Variants in PARD3 observed in about 807,000 individuals in gnomAD.
The protein encoded by PARD3 is par-3 family cell polarity regulator, also known as partitioning defective 3 homolog.
Under a neutral mutation model 155.4 loss-of-function variants are expected in PARD3, and 75 were observed. That is an observed-to-expected ratio of 0.48 (90% CI 0.40 to 0.58). The LOEUF (loss-of-function observed/expected upper bound fraction) is 0.58, where lower values mean the gene tolerates loss of function less well. PARD3 is among the 20% of genes least tolerant of loss of function. PARD3 has a pLI of 0.00. For synonymous variants in PARD3, 576 were observed against 610.5 expected (o/e 0.94, Z 0.83); for missense variants, 1,642 against 1,721.7 (o/e 0.95, Z 0.82).
intron 22 of PARD3, among the ~76,000 whole-genome samples, chr10:34,192,986 C>G (rs1200469087): frequency 6.6e-6 from 1 of 152,162 alleles, no homozygotes; most frequent in Non-Finnish European, 1.5e-5. Context: ...TAAAGTTTAA[C>G]TGAACCAGGG....
intron 2 of PARD3, among the ~76,000 whole-genome samples, chr10:34,613,609 G>A (rs544467981): frequency 3.3e-5 from 5 of 152,250 alleles, no homozygotes; most frequent in Admixed American, 1.3e-4. Flanking sequence ...CAGAGGATTC[G>A]CAAATGTGTG....
intron 2 of PARD3, among the ~76,000 whole-genome samples, chr10:34,592,698 C>T (rs1341333064): frequency 1.3e-5 from 2 of 152,336 alleles, no homozygotes; most frequent in East Asian, 1.9e-4. Flanking sequence ...ATTGCTTGAA[C>T]CCGGAGTTGG....
At chr10:34,178,815 T>C (rs1016431283) in intron 22 of PARD3, among the ~76,000 whole-genome samples, 1 of 152,246 alleles carries the variant, frequency 6.6e-6, no homozygotes, top group Non-Finnish European at 1.5e-5. Flanking sequence ...CCTAATAGAA[T>C]GCTTTCATAA....
intron 2 of PARD3, among the ~76,000 whole-genome samples, chr10:34,522,439 T>C (rs2082205246): frequency 1.3e-5 from 2 of 152,224 alleles, no homozygotes. Context: ...CAGCCACTTA[T>C]GCCTGCTCTG....
chr10:34,505,644 A>G (rs965973472), intron 3 of PARD3, among the ~76,000 whole-genome samples: 1 of 152,190 alleles, frequency 6.6e-6, no homozygotes, highest in Admixed American at 6.5e-5. Context: ...TGCCAGGCCA[A>G]TGTCTACATC....
At chr10:34,249,303 T>C (rs1340763457) in intron 22 of PARD3, among the ~76,000 whole-genome samples, 1 of 152,168 alleles carries the variant, frequency 6.6e-6, no homozygotes, top group African/African-American at 2.4e-5. Flanking sequence ...TGAGCCAGCA[T>C]GCTCAGCCTG....
chr10:34,620,024 A>ACAC (rs1158220043), intron 2 of PARD3, among the ~76,000 whole-genome samples: 1 of 151,916 alleles, frequency 6.6e-6, no homozygotes, highest in African/African-American at 2.4e-5. Flanking sequence ...AAGAACACAC[A>ACAC]CACCACCACC....
At chr10:34,376,659 G>A (rs1362160583) in intron 10 of PARD3, among the ~76,000 whole-genome samples, 1 of 152,052 alleles carries the variant, frequency 6.6e-6, no homozygotes. Flanking sequence ...AAAACAGTGG[G>A]AATAAAATTT....
At chr10:34,371,651 C>T (rs1419406956) in intron 12 of PARD3, among the ~76,000 whole-genome samples, 1 of 150,804 alleles carries the variant, frequency 6.6e-6, no homozygotes, top group East Asian at 2.0e-4. Flanking sequence ...CTTTAGTCAA[C>T]AATGTAAAAA....
chr10:34,260,380 A>C (rs1954894113), intron 22 of PARD3, among the ~76,000 whole-genome samples: 1 of 152,244 alleles, frequency 6.6e-6, no homozygotes, highest in East Asian at 1.9e-4. Context: ...ACACTGACGG[A>C]GCAGGTGCCT....
In PARD3 at chr10:34,319,162, C is replaced by T. The variant is rs540728744; in HGVS notation, c.2834-1824G>A. On this transcript the variant is annotated intron_variant, in intron 19 of 24. Coordinates refer to ENST00000374788, the MANE Select transcript of PARD3 (RefSeq NM_001184785.2). Reference sequence around the variant, plus strand: ...GGAGTACAGTGGTGTGATCTTGGCTCACTGCAATCTCCACCTCCCGGGTTC... The same window carrying T: ...GGAGTACAGTGGTGTGATCTTGGCTTACTGCAATCTCCACCTCCCGGGTTC... 2.0e-5 allele frequency among the ~76,000 whole-genome samples: 3 copies of T among 149,110 alleles called. No individual in the cohort carries two copies. The East Asian group carries it at 6.0e-4, about 30-fold the overall frequency.
At chr10:34,168,842 C>A (rs1164157332) in intron 22 of PARD3, among the ~76,000 whole-genome samples, 1 of 152,128 alleles carries the variant, frequency 6.6e-6, no homozygotes, top group Admixed American at 6.5e-5. Context: ...ATTAATTATG[C>A]CATACAAAAT....
chr10:34,133,091 T>C (rs956957435), intron 22 of PARD3, among the ~76,000 whole-genome samples: 3 of 151,994 alleles, frequency 2.0e-5, no homozygotes, highest in African/African-American at 7.3e-5. Flanking sequence ...ACATTCACCA[T>C]CTTACAAGAC....
chr10:34,358,446 C>T (rs528146164), intron 14 of PARD3, among the ~76,000 whole-genome samples: 1 of 151,962 alleles, frequency 6.6e-6, no homozygotes, highest in Non-Finnish European at 1.5e-5. Context: ...AGACTCAATC[C>T]CATAGAGAAA....
At chr10:34,624,013 T>C (rs888371407) in intron 2 of PARD3, among the ~76,000 whole-genome samples, 7 of 151,024 alleles carry the variant, frequency 4.6e-5, no homozygotes, top group African/African-American at 1.7e-4. Context: ...CGCATGCAGC[T>C]GTCCTTGCTC....
chr10:34,814,097 G>A (rs1033742238), intron 1 of PARD3, among the ~76,000 whole-genome samples: 1 of 152,184 alleles, frequency 6.6e-6, no homozygotes, highest in Non-Finnish European at 1.5e-5. Flanking sequence ...GCCCGGGATA[G>A]GTAGGAGCTG....
In PARD3 at chr10:34,668,441, A is replaced by T. The variant is rs572690404; in HGVS notation, c.222+27877T>A. On this transcript the variant is annotated intron_variant, in intron 2 of 24. Transcript: ENST00000374788. ...ATATCAAAGTTTTGAACTAGGAGTC[A>T]GTCATCTATCACAGTTCACATCCAT... Among the ~76,000 whole-genome samples the T allele has an allele frequency of 3.9e-5, 6 of 152,360 alleles. No individual in the cohort carries two copies. The South Asian group carries it at 1.2e-3, about 32-fold the overall frequency.
At chr10:34,223,814 G>C (rs1242971459) in intron 22 of PARD3, among the ~76,000 whole-genome samples, 1 of 152,170 alleles carries the variant, frequency 6.6e-6, no homozygotes, top group East Asian at 1.9e-4. Context: ...TGTGAGACAG[G>C]TGTGAACACT....
chr10:34,654,805 T>G (rs986140474), intron 2 of PARD3, among the ~76,000 whole-genome samples: 2 of 152,152 alleles, frequency 1.3e-5, no homozygotes, highest in African/African-American at 4.8e-5. Flanking sequence ...ATGCTTTCCT[T>G]AATTCCGATC....
Sources: allele counts gnomAD v4.1 joint callset (sites outside exome capture counted in the v4.1 genomes callset), GRCh38; gene constraint gnomAD v4.1.1; transcripts MANE v1.5; gene names NCBI Gene and HGNC (gene_info 2026-07-23, HGNC 2026-07-21).